The following HHIP variants were observed in gnomAD, a reference collection of about 807,000 sequenced individuals.
The protein encoded by HHIP is hedgehog interacting protein.
In HHIP, 12 loss-of-function variants were observed where a neutral mutation model predicts 74.0. The ratio of observed to expected loss-of-function variants is 0.16; its 90% CI spans 0.10 to 0.26. The LOEUF is 0.26. Ranked by LOEUF, HHIP falls within the 10% of genes least tolerant of loss-of-function variation. The pLI, the probability that HHIP is intolerant of heterozygous loss-of-function variation, is 1.00. For missense variants in HHIP, 788 were observed against 845.0 expected, an observed-to-expected ratio of 0.93 and a Z score of 0.84; for synonymous variants, 309 against 311.6, an observed-to-expected ratio of 0.99 and a Z score of 0.09.
chr4:144,731,923 C>T (rs1730969594), intron 11 of HHIP, among the ~76,000 whole-genome samples: 1 of 152,116 alleles, frequency 6.6e-6, no homozygotes, highest in South Asian at 2.1e-4. Flanking sequence ...CTGCATTATA[C>T]TTTTGTGTAT....
At chr4:144,714,597 G>A (rs1480396896) in intron 9 of HHIP, among the ~76,000 whole-genome samples, 1 of 151,946 alleles carries the variant, frequency 6.6e-6, no homozygotes, top group Non-Finnish European at 1.5e-5. Flanking sequence ...GTCTTCAGAT[G>A]GACTTTTCAT....
At chr4:144,701,966 A>C (rs1223949846) in intron 4 of HHIP, among the ~76,000 whole-genome samples, 4 of 152,176 alleles carry the variant, frequency 2.6e-5, no homozygotes, top group Non-Finnish European at 5.9e-5. Flanking sequence ...TCACAATGAA[A>C]GATGTTGTCC....
At chr4:144,725,039 C>T (rs1239804617) in intron 11 of HHIP, among the ~76,000 whole-genome samples, 2 of 152,048 alleles carry the variant, frequency 1.3e-5, no homozygotes, top group Non-Finnish European at 2.9e-5. Flanking sequence ...CTGCCATGCC[C>T]ACCACTATCT....
At chr4:144,694,447 T>A (rs1312854048) in intron 4 of HHIP, among the ~76,000 whole-genome samples, 1 of 151,762 alleles carries the variant, frequency 6.6e-6, no homozygotes, top group African/African-American at 2.4e-5. Context: ...AAATACATAA[T>A]GGCTAAGAGT....
intron 10 of HHIP, 106 bp downstream of exon 10, chr4:144,715,536 G>A: frequency 1.8e-6 from 2 of 1,093,606 alleles, no homozygotes; most frequent in South Asian, 1.8e-5. Context: ...CTACTTGTTG[G>A]AAATGTAATC....
rs78232182 is a variant in HHIP, at chr4:144,686,711, A to G, written c.832-19820A>G. Among the ~76,000 whole-genome samples, 219 of 152,288 alleles carry G rather than the reference A, an allele frequency of 1.4e-3. 1 individual carries two copies. Among genetic ancestry groups the G allele is most frequent in the Middle Eastern group, 6.8e-3 (2 of 294 alleles). The stretch of plus-strand genomic sequence containing the variant: ...ACTTAATTCAGACTATTAAAAGATT[A>G]TTAAAGACCTACACGTCTCTAAGTG... On this transcript the variant is annotated intron_variant, in intron 4 of 12. Coordinates refer to ENST00000296575, the MANE Select transcript of HHIP (RefSeq NM_022475.3).
chr4:144,675,955 T>C (rs575465553), intron 4 of HHIP, among the ~76,000 whole-genome samples: 4 of 152,316 alleles, frequency 2.6e-5, no homozygotes, highest in South Asian at 2.1e-4. Context: ...GAGCCATTAG[T>C]ATAACTTCAG....
intron 1 of HHIP, chr4:144,648,784 C>T (rs1409034829): frequency 6.6e-6 from 1 of 152,070 alleles, no homozygotes; most frequent in Admixed American, 6.5e-5. Flanking sequence ...GGGGATGGGA[C>T]CAAGGGGAGT....
chr4:144,740,329 T>A lies in HHIP; in HGVS notation c.*2372T>A, dbSNP rs2126699537. 1 of 152,332 alleles carries A rather than the reference T, an allele frequency of 6.6e-6. No individual in the cohort carries two copies. The highest frequency in any genetic ancestry group is 6.5e-5 in the Admixed American group (1 of 15,294). 9.4% of individuals were successfully genotyped at this position (152,332 alleles called of 1,614,324 possible). The stretch of plus-strand genomic sequence containing the variant: ...AAGTTGACCAGGCCCAGATTTTTTA[T>A]ACAGCTTTTTCCCAAGTGAAAGATT... On this transcript the variant is annotated 3_prime_UTR_variant, in exon 13 of 13. Coordinates refer to ENST00000296575, the MANE Select transcript of HHIP (RefSeq NM_022475.3).
chr4:144,654,503 C>T (rs940479913), intron 2 of HHIP, among the ~76,000 whole-genome samples: 2 of 152,116 alleles, frequency 1.3e-5, no homozygotes, highest in South Asian at 2.1e-4. Flanking sequence ...GCTGCCCCTG[C>T]GTACCTCAAA....
intron 10 of HHIP, among the ~76,000 whole-genome samples, chr4:144,716,420 C>G (rs1730445323): frequency 6.6e-6 from 1 of 152,118 alleles, no homozygotes. Context: ...TTTGCTTGTT[C>G]CAGCACTGAA....
In HHIP at chr4:144,742,416, A is replaced by C. The variant is rs1731281915; in HGVS notation, c.*4459A>C. 1 of 152,176 alleles carries C rather than the reference A, an allele frequency of 6.6e-6. No homozygotes were observed. The highest frequency in any genetic ancestry group is 2.1e-4 in the South Asian group (1 of 4,830). The allele number at this position is 152,176 out of a possible 1,614,324, so 9.4% of individuals were successfully genotyped here. On this transcript the variant is annotated 3_prime_UTR_variant, in exon 13 of 13. Transcript: ENST00000296575. ...AATTCAGCTGCTCTAGCATAGATAC[A>C]GGAAAGACATGGAGAATAACACTGG...
At chr4:144,686,311 G>A (rs1315103658) in intron 4 of HHIP, among the ~76,000 whole-genome samples, 1 of 151,810 alleles carries the variant, frequency 6.6e-6, no homozygotes, top group Non-Finnish European at 1.5e-5. Context: ...TTTTTTTTAA[G>A]AGCCAGGAAA....
chr4:144,674,598 T>TA (rs566838063), intron 4 of HHIP, among the ~76,000 whole-genome samples: 35 of 150,966 alleles, frequency 2.3e-4, no homozygotes, highest in Middle Eastern at 3.4e-3. Flanking sequence ...TTGCTGGAGT[T>TA]AAAAAAAAAC....
At chr4:144,695,153 T>C (rs552082821) in intron 4 of HHIP, among the ~76,000 whole-genome samples, 7 of 151,940 alleles carry the variant, frequency 4.6e-5, no homozygotes, top group African/African-American at 1.7e-4. Context: ...TTTGTCAGTT[T>C]AATTTTTTTT....
At position 144,646,918 on chromosome 4, in the gene HHIP, G is replaced by C. The variant is rs150535188; in HGVS notation, c.243G>C (p.Arg81=). The C allele has an allele frequency of 6.5e-5, 105 of 1,613,338 alleles. No individual in the cohort carries two copies. The highest frequency in any genetic ancestry group is 8.6e-5 in the Non-Finnish European group (101 of 1,179,480). The part of the protein sequence containing the change: ...GFYPRLSCCL[R]SDSPGLGRLE... ...ACCCTCGGCTGTCCTGCTGCCTGCG[G>C]AGTGACAGCCCGGGGCTAGGGCGCC... The change falls in exon 1 of 13, where the codon CGG becomes CGC. Residue 81 remains arginine (R), a synonymous_variant. Transcript: ENST00000296575.
chr4:144,654,015 CATAA>C (rs1258196072), intron 2 of HHIP, among the ~76,000 whole-genome samples: 2 of 152,074 alleles, frequency 1.3e-5, no homozygotes, highest in East Asian at 3.9e-4. Flanking sequence ...GATTAGATAC[CATAA>C]ATGTTTGCTG....
intron 10 of HHIP, among the ~76,000 whole-genome samples, chr4:144,716,516 T>C (rs1039445563): frequency 1.3e-5 from 2 of 152,056 alleles, no homozygotes; most frequent in Non-Finnish European, 2.9e-5. Context: ...TCCTCTGTAA[T>C]ATAATTTTAA....
intron 11 of HHIP, among the ~76,000 whole-genome samples, chr4:144,719,233 G>A (rs1730558411): frequency 6.6e-6 from 1 of 152,200 alleles, no homozygotes; most frequent in African/African-American, 2.4e-5. Flanking sequence ...TTAAAAGCCA[G>A]AAAGGGGCCC....
Sources: gnomAD v4.1 joint callset for allele counts (sites outside exome capture counted in the v4.1 genomes callset) on GRCh38, gnomAD v4.1.1 for gene constraint, MANE v1.5 for transcripts, NCBI Gene and HGNC (gene_info 2026-07-23, HGNC 2026-07-21) for gene names.